SLC35F4: variants seen among roughly 807,000 people sequenced by gnomAD.
SLC35F4 encodes solute carrier family 35 member F4, also known as chromosome 14 open reading frame 36.
A neutral mutation model predicts 44.2 loss-of-function variants in SLC35F4; 24 were observed. That is an observed-to-expected ratio of 0.54 (90% CI 0.39 to 0.76). SLC35F4 has a LOEUF of 0.76. Among genes scored for constraint, SLC35F4 ranks in the 30% least tolerant of loss-of-function variants. SLC35F4 has a pLI of 0.00. For missense variants in SLC35F4, 562 were observed against 586.1 expected (o/e 0.96, Z 0.42); for synonymous variants, 238 against 223.6 (o/e 1.06, Z -0.57).
chr14:57,886,735 G>A (rs78003695), intron 1 of SLC35F4, among the ~76,000 whole-genome samples: 89 of 151,978 alleles, frequency 5.9e-4, no homozygotes, highest in African/African-American at 2.1e-3. Flanking sequence ...TTTTTACAGA[G>A]CTCTTTAGTA....
intron 7 of SLC35F4, among the ~76,000 whole-genome samples, chr14:57,565,186 A>G (rs1039676506): frequency 3.3e-5 from 5 of 152,220 alleles, no homozygotes; most frequent in African/African-American, 9.7e-5. Context: ...TAGGGCTACT[A>G]TAAACATTTG....
At chr14:57,710,650 A>G (rs901559920) in intron 1 of SLC35F4, among the ~76,000 whole-genome samples, 11 of 152,060 alleles carry the variant, frequency 7.2e-5, no homozygotes, top group Non-Finnish European at 2.9e-5. Context: ...ATGGGAGTCG[A>G]CCTCTTGCAC....
intron 1 of SLC35F4, among the ~76,000 whole-genome samples, chr14:57,700,926 C>G (rs2075522372): frequency 6.6e-6 from 1 of 152,008 alleles, no homozygotes; most frequent in Non-Finnish European, 1.5e-5. Context: ...AAAAGCCCCC[C>G]AAAAACAACA....
chr14:57,699,679 C>CT (rs2075482404), intron 1 of SLC35F4, among the ~76,000 whole-genome samples: 1 of 152,178 alleles, frequency 6.6e-6, no homozygotes, highest in Non-Finnish European at 1.5e-5. Flanking sequence ...AGGCACCCCT[C>CT]TTTTGGGGGA....
At chr14:57,941,716 A>T (rs1009832972) in intron 1 of SLC35F4, among the ~76,000 whole-genome samples, 1 of 152,232 alleles carries the variant, frequency 6.6e-6, no homozygotes, top group Non-Finnish European at 1.5e-5. Context: ...ATTTAAAAAA[A>T]AAAGCTTATG....
chr14:57,580,583 A>C (rs2069174393), intron 4 of SLC35F4: 1 of 336,284 alleles, frequency 3.0e-6, no homozygotes, highest in African/African-American at 2.2e-5. Context: ...TATGTTTTTA[A>C]TCCATATTAC....
At chr14:57,620,669 T>C (rs1745710) in intron 1 of SLC35F4, among the ~76,000 whole-genome samples, 102,763 of 151,888 alleles carry the variant, frequency 0.68, 35,566 homozygotes, top group Non-Finnish European at 0.75. Flanking sequence ...TTGTCATAGA[T>C]AGCTCTTATT....
chr14:57,742,015 G>T (rs2076621894), intron 1 of SLC35F4, among the ~76,000 whole-genome samples: 1 of 152,086 alleles, frequency 6.6e-6, no homozygotes, highest in Admixed American at 6.6e-5. Flanking sequence ...TTAAAGACAA[G>T]CAAATGCTGA....
Position 57,748,319 on chromosome 14 carries a change from T to C in SLC35F4, c.103+117404A>G, listed in dbSNP as rs190000518. 2.6e-5 allele frequency among the ~76,000 whole-genome samples: 4 copies of C among 152,294 alleles called. No homozygotes were observed. In the East Asian group the frequency reaches 7.7e-4, roughly 29 times the overall value. On this transcript the variant is annotated intron_variant, in intron 1 of 7. Transcript: ENST00000556826. ...TGTGTATGTATGTGTGTATTTAGTCTACTCAATTTTTATCACATGTATAGG... is the reference window on the plus strand; with the variant it reads ...TGTGTATGTATGTGTGTATTTAGTCCACTCAATTTTTATCACATGTATAGG...
chr14:57,919,736 G>T (rs1410115975), intron 1 of SLC35F4, among the ~76,000 whole-genome samples: 1 of 152,186 alleles, frequency 6.6e-6, no homozygotes, highest in Non-Finnish European at 1.5e-5. Flanking sequence ...GTGCAGAGAA[G>T]GCCAATGGGA....
chr14:57,944,111 G>A (rs753179755), intron 1 of SLC35F4, among the ~76,000 whole-genome samples: 2 of 152,138 alleles, frequency 1.3e-5, no homozygotes, highest in Non-Finnish European at 2.9e-5. Flanking sequence ...TCTTGTGATT[G>A]CAGGAAAAGT....
In SLC35F4 at chr14:57,812,330, C is replaced by G. The variant is rs952054695; in HGVS notation, c.103+53393G>C. ...CAGAGTCTACTTACATGAGGCCACT[C>G]GGTATCCACCAAGATATAAATCATG... On this transcript the variant is annotated intron_variant, in intron 1 of 7. Transcript: ENST00000556826. Among the ~76,000 whole-genome samples, 3 of 152,302 alleles carry G rather than the reference C, an allele frequency of 2.0e-5. No homozygotes were observed. In the East Asian group the frequency reaches 5.8e-4, roughly 29 times the overall value.
intron 1 of SLC35F4, among the ~76,000 whole-genome samples, chr14:57,668,277 G>C (rs1038082256): frequency 1.0e-4 from 15 of 150,692 alleles, no homozygotes; most frequent in Middle Eastern, 3.4e-3. Flanking sequence ...CCATGTTGTA[G>C]GTTGCCTGTT....
chr14:57,906,583 A>G (rs1019891353), intron 1 of SLC35F4, among the ~76,000 whole-genome samples: 1 of 152,172 alleles, frequency 6.6e-6, no homozygotes, highest in Non-Finnish European at 1.5e-5. Flanking sequence ...CTACGGAAAA[A>G]TTCCAAAAAG....
chr14:57,626,642 G>T (rs2072488686), intron 1 of SLC35F4, among the ~76,000 whole-genome samples: 1 of 152,064 alleles, frequency 6.6e-6, no homozygotes, highest in Non-Finnish European at 1.5e-5. Flanking sequence ...GAACTCGATA[G>T]CACGCAGTAA....
chr14:57,784,102 T>C (rs1462974437), intron 1 of SLC35F4, among the ~76,000 whole-genome samples: 1 of 152,072 alleles, frequency 6.6e-6, no homozygotes, highest in Admixed American at 6.6e-5. Flanking sequence ...AAGTGATTAG[T>C]GAAGGGTTTC....
At chr14:57,786,768 C>A (rs1271896769) in intron 1 of SLC35F4, among the ~76,000 whole-genome samples, 1 of 152,142 alleles carries the variant, frequency 6.6e-6, no homozygotes, top group African/African-American at 2.4e-5. Flanking sequence ...TCTGAACAGC[C>A]TTCAGCCCTA....
intron 1 of SLC35F4, chr14:57,630,231 G>C: frequency 1.8e-6 from 1 of 552,370 alleles, no homozygotes; most frequent in South Asian, 1.6e-5. Flanking sequence ...TTCATGCTAT[G>C]ATGATGATGA....
chr14:57,882,951 T>C (rs1172168788), intron 1 of SLC35F4, among the ~76,000 whole-genome samples: 3 of 151,436 alleles, frequency 2.0e-5, no homozygotes, highest in Non-Finnish European at 4.4e-5. Context: ...CAGGAGCTTG[T>C]ACAATTAGAC....
Sources: gnomAD v4.1 joint callset for allele counts (sites outside exome capture counted in the v4.1 genomes callset) on GRCh38, gnomAD v4.1.1 for gene constraint, MANE v1.5 for transcripts, NCBI Gene and HGNC (gene_info 2026-07-23, HGNC 2026-07-21) for gene names.